Variants in PDE1C observed in about 807,000 individuals in gnomAD.
The protein encoded by PDE1C is dual specificity calcium/calmodulin-dependent 3',5'-cyclic nucleotide phosphodiesterase 1C.
A neutral mutation model predicts 93.1 loss-of-function variants in PDE1C; 62 were observed. The observed-to-expected ratio is 0.67, with a 90% confidence interval of 0.54 to 0.82. PDE1C has a LOEUF of 0.82. Among genes scored for constraint, PDE1C ranks in the 40% least tolerant of loss-of-function variants. The pLI, the probability that PDE1C is intolerant of heterozygous loss-of-function variation, is 0.00. For synonymous variants in PDE1C, 325 were observed against 310.1 expected, an observed-to-expected ratio of 1.05 and a Z score of -0.50; for missense variants, 742 against 884.6, an observed-to-expected ratio of 0.84 and a Z score of 2.04.
intron 1 of PDE1C, among the ~76,000 whole-genome samples, chr7:32,229,920 C>T (rs1339499702): frequency 2.0e-5 from 3 of 152,146 alleles, no homozygotes; most frequent in African/African-American, 7.2e-5. Context: ...ATCACTTTTT[C>T]GATTGTGAGT....
At position 31,760,803 on chromosome 7, in the gene PDE1C, C is replaced by CAT. The variant is rs1794787239; in HGVS notation, c.1961-7252_1961-7251dup. On this transcript the variant is annotated intron_variant, in intron 17 of 17. Transcript: ENST00000396191. ...ACACACACACACACACACCAAACCACATATACTAAACTAACGAAATTAAAA... is the reference window on the plus strand; with the variant it reads ...ACACACACACACACACACCAAACCACATATATACTAAACTAACGAAATTAAAA... Among the ~76,000 whole-genome samples the CAT allele has an allele frequency of 2.0e-5, 3 of 149,906 alleles. No homozygotes were observed. The Admixed American group carries it at 2.0e-4, about 10-fold the overall frequency.
chr7:32,406,974 G>A (rs1033463780), intron 1 of PDE1C, among the ~76,000 whole-genome samples: 8 of 152,056 alleles, frequency 5.3e-5, no homozygotes, highest in African/African-American at 1.4e-4. Flanking sequence ...CAAGTGACTG[G>A]AAGTTAAAAA....
chr7:32,074,789 GC>G (rs1253854318), upstream of PDE1C, among the ~76,000 whole-genome samples: 2 of 152,194 alleles, frequency 1.3e-5, no homozygotes, highest in Non-Finnish European at 2.9e-5. Flanking sequence ...AGAGGGCACT[GC>G]ATGAAAAGAG....
rs143522146 is a variant in PDE1C, at chr7:32,253,872, A to C, written c.86-44333T>G. 7.9e-5 allele frequency among the ~76,000 whole-genome samples: 12 copies of C among 152,364 alleles called. No individual in the cohort carries two copies. In the East Asian group the frequency reaches 2.3e-3, roughly 29 times the overall value. On this transcript the variant is annotated intron_variant, in intron 1 of 18. Coordinates refer to the PDE1C transcript ENST00000396193. ...TGATCAGAGATCAATGACTGTGATC[A>C]GAGATCAGTGACTGATTCACTTTTA...
At chr7:31,891,220 T>A (rs758815859) in intron 2 of PDE1C, among the ~76,000 whole-genome samples, 1 of 152,184 alleles carries the variant, frequency 6.6e-6, no homozygotes, top group Non-Finnish European at 1.5e-5. Flanking sequence ...TTGCTCCTGG[T>A]CACTTCCAAT....
the PDE1C span, among the ~76,000 whole-genome samples, chr7:31,708,627 C>A: frequency 6.6e-6 from 1 of 152,204 alleles, no homozygotes; most frequent in Non-Finnish European, 1.5e-5. Flanking sequence ...ACAATCCAGT[C>A]AGGAGAAGTG....
intron 11 of PDE1C, among the ~76,000 whole-genome samples, chr7:31,833,833 C>A (rs926541553): frequency 6.6e-6 from 1 of 152,178 alleles, no homozygotes; most frequent in Non-Finnish European, 1.5e-5. Flanking sequence ...AAGAAAAACC[C>A]ATTTTCTGAG....
At chr7:32,417,078 G>A (rs1785290072) in intron 1 of PDE1C, among the ~76,000 whole-genome samples, 1 of 152,118 alleles carries the variant, frequency 6.6e-6, no homozygotes, top group South Asian at 2.1e-4. Flanking sequence ...CCTCAGAACA[G>A]ACTAATCTAG....
intron 1 of PDE1C, among the ~76,000 whole-genome samples, chr7:32,292,834 C>T (rs1812417274): frequency 6.6e-6 from 1 of 152,354 alleles, no homozygotes; most frequent in South Asian, 2.1e-4. Flanking sequence ...CCCATGGCCC[C>T]AGGTGGACCC....
chr7:32,112,872 A>ATC (rs1798752184), intron 3 of PDE1C, among the ~76,000 whole-genome samples: 18 of 138,510 alleles, frequency 1.3e-4, no homozygotes, highest in Non-Finnish European at 7.8e-5. Context: ...ATATATATAT[A>ATC]TCTCAAACTC....
intron 2 of PDE1C, among the ~76,000 whole-genome samples, chr7:32,049,387 T>TTTGTTG (rs750863678): frequency 1.3e-5 from 2 of 152,116 alleles, no homozygotes; most frequent in African/African-American, 4.8e-5. Context: ...CCCACTTTAT[T>TTTGTTG]TTGTTGTTGT....
At chr7:32,420,813 T>G (rs1051929962) in intron 1 of PDE1C, among the ~76,000 whole-genome samples, 1 of 152,146 alleles carries the variant, frequency 6.6e-6, no homozygotes, top group Non-Finnish European at 1.5e-5. Context: ...CCACATCTGT[T>G]TCCTGTAAGA....
At chr7:32,098,783 C>A (rs1461491457) in intron 3 of PDE1C, among the ~76,000 whole-genome samples, 1 of 152,212 alleles carries the variant, frequency 6.6e-6, no homozygotes, top group African/African-American at 2.4e-5. Context: ...TCATCCCCAT[C>A]ATCTCTCTTC....
the PDE1C span, among the ~76,000 whole-genome samples, chr7:31,658,925 T>A: frequency 1.3e-5 from 2 of 152,198 alleles, no homozygotes; most frequent in Non-Finnish European, 2.9e-5. Flanking sequence ...CCTTATCTTA[T>A]TCATTCATCA....
intron 6 of PDE1C, among the ~76,000 whole-genome samples, chr7:31,870,668 A>G (rs900906157): frequency 6.6e-6 from 1 of 152,058 alleles, no homozygotes; most frequent in Non-Finnish European, 1.5e-5. Context: ...AAATTCCTCC[A>G]AACTTTCAAA....
At position 32,269,631 on chromosome 7, in the gene PDE1C, C is replaced by T. The variant is rs867134123; in HGVS notation, c.85+29020G>A. ...AGTAGCTGGGACTACAGGCACATGC[C>T]ACCATGCCCATCTAATTTTTGTATT... On this transcript the variant is annotated intron_variant, in intron 1 of 18. Coordinates refer to the PDE1C transcript ENST00000396193. Among the ~76,000 whole-genome samples, 16 of 152,248 alleles carry T rather than the reference C, an allele frequency of 1.1e-4. 1 individual carries two copies. In the Middle Eastern group the frequency reaches 0.017, roughly 162 times the overall value.
At chr7:31,998,845 C>A (rs554383216) in intron 2 of PDE1C, among the ~76,000 whole-genome samples, 3 of 152,294 alleles carry the variant, frequency 2.0e-5, no homozygotes, top group Admixed American at 2.0e-4. Flanking sequence ...AGCAAATCAA[C>A]AGCATTAAGC....
chr7:32,069,206 T>A lies in PDE1C; in HGVS notation c.101+1087A>T, dbSNP rs566218453. 7.9e-5 allele frequency among the ~76,000 whole-genome samples: 12 copies of A among 152,332 alleles called. No homozygotes were observed. In the East Asian group the frequency reaches 2.1e-3, roughly 27 times the overall value. On this transcript the variant is annotated intron_variant, in intron 1 of 17. Coordinates refer to ENST00000396191, the MANE Select transcript of PDE1C (RefSeq NM_001191057.4). ...GAAACACATACTACCTTAATGCTTC[T>A]CCTTAGAAACTTTGAATATCAAGCT...
the PDE1C span, among the ~76,000 whole-genome samples, chr7:31,620,780 GAGA>G: frequency 5.9e-5 from 9 of 152,218 alleles, no homozygotes; most frequent in African/African-American, 2.2e-4. Flanking sequence ...GAGGAGGCGA[GAGA>G]AGAAGACATC....
Sources: allele counts gnomAD v4.1 joint callset (sites outside exome capture counted in the v4.1 genomes callset), GRCh38; gene constraint gnomAD v4.1.1; transcripts MANE v1.5; gene names NCBI Gene and HGNC (gene_info 2026-07-23, HGNC 2026-07-21).